AGBL1: variants seen among roughly 807,000 people sequenced by gnomAD.
AGBL1 encodes the protein cytosolic carboxypeptidase 4.
A neutral mutation model predicts 118.9 loss-of-function variants in AGBL1; 130 were observed. The observed-to-expected ratio is 1.09, with a 90% CI of 0.95 to 1.26. The LOEUF is 1.26. Among genes scored for constraint, AGBL1 ranks in the 50% most tolerant of loss-of-function variants. The pLI is 0.00. For missense variants in AGBL1, 1,584 were observed against 1,298.1 expected (o/e 1.22, Z -3.38); for synonymous variants, 555 against 478.9 (o/e 1.16, Z -2.08).
At chr15:86,841,244 C>G (rs2079240809) in intron 22 of AGBL1, among the ~76,000 whole-genome samples, 1 of 152,076 alleles carries the variant, frequency 6.6e-6, no homozygotes, top group South Asian at 2.1e-4. Context: ...ACCACCCAGG[C>G]ATGTATCATT....
At chr15:86,211,217 C>T (rs2078091672) in intron 5 of AGBL1, among the ~76,000 whole-genome samples, 1 of 152,160 alleles carries the variant, frequency 6.6e-6, no homozygotes, top group Admixed American at 6.5e-5. Context: ...AACTTTGTCC[C>T]ATAGGGGCAC....
At chr15:86,927,167 T>A (rs1052424124) in intron 23 of AGBL1, among the ~76,000 whole-genome samples, 15 of 150,686 alleles carry the variant, frequency 1.0e-4, no homozygotes, top group African/African-American at 3.6e-4. Context: ...AAATAAATAA[T>A]AAAATAAAAT....
rs532581781 is a variant in AGBL1, at chr15:86,377,169, C to T, written c.2375-20197C>T. On this transcript the variant is annotated intron_variant, in intron 17 of 22. Transcript: ENST00000614907. ...CAGATACTTGATTTTATCCATTCAT[C>T]TGGGTGCATTGGATTATATGGACCA... Among the ~76,000 whole-genome samples the T allele has an allele frequency of 3.9e-5, 6 of 152,300 alleles. No homozygotes were observed. The South Asian group carries it at 1.2e-3, about 32-fold the overall frequency.
intron 5 of AGBL1, among the ~76,000 whole-genome samples, chr15:86,213,220 A>C: frequency 6.6e-6 from 1 of 152,330 alleles, no homozygotes; most frequent in East Asian, 1.9e-4. Context: ...AATGTTTATG[A>C]AATCTTTTCT....
chr15:86,441,795 T>C (rs2082067726), intron 18 of AGBL1, among the ~76,000 whole-genome samples: 1 of 152,352 alleles, frequency 6.6e-6, no homozygotes. Flanking sequence ...CAGAATCTTC[T>C]GTCTGCATTG....
chr15:86,818,755 G>A (rs985260017), intron 22 of AGBL1, among the ~76,000 whole-genome samples: 1 of 152,146 alleles, frequency 6.6e-6, no homozygotes, highest in African/African-American at 2.4e-5. Context: ...CAACATCGTG[G>A]CTCAGCATAG....
chr15:86,839,498 T>G (rs1441325989), intron 22 of AGBL1, among the ~76,000 whole-genome samples: 1 of 152,200 alleles, frequency 6.6e-6, no homozygotes. Flanking sequence ...CTCTATTTGC[T>G]GTCCATATGT....
intron 5 of AGBL1, among the ~76,000 whole-genome samples, chr15:86,172,186 T>TA (rs964515601): frequency 2.0e-5 from 3 of 152,090 alleles, no homozygotes; most frequent in African/African-American, 4.8e-5. Context: ...CCTATTGAAA[T>TA]AAAAAAATTA....
intron 22 of AGBL1, among the ~76,000 whole-genome samples, chr15:86,739,671 C>G (rs1275623898): frequency 6.6e-6 from 1 of 152,010 alleles, no homozygotes; most frequent in Non-Finnish European, 1.5e-5. Flanking sequence ...GAATAACAGA[C>G]TTACCTTGGC....
intron 22 of AGBL1, among the ~76,000 whole-genome samples, chr15:86,774,958 A>G (rs2078233769): frequency 6.6e-6 from 1 of 152,140 alleles, no homozygotes; most frequent in Admixed American, 6.6e-5. Flanking sequence ...TTAACTGGAA[A>G]GGAAGCAAAC....
At chr15:86,795,659 A>G (rs1467323946) in intron 22 of AGBL1, among the ~76,000 whole-genome samples, 1 of 148,862 alleles carries the variant, frequency 6.7e-6, no homozygotes. Flanking sequence ...ATCTCAGTTC[A>G]TTTCAACCTC....
At chr15:86,570,839 G>C (rs2083995874) in intron 21 of AGBL1, among the ~76,000 whole-genome samples, 1 of 152,282 alleles carries the variant, frequency 6.6e-6, no homozygotes, top group South Asian at 2.1e-4. Context: ...GGCCCTCTGG[G>C]CTTGTTCCGC....
chr15:86,951,783 C>T (rs1362313444), intron 23 of AGBL1, among the ~76,000 whole-genome samples: 1 of 152,144 alleles, frequency 6.6e-6, no homozygotes, highest in Non-Finnish European at 1.5e-5. Context: ...TTTCATAAGT[C>T]TATCCAGTTT....
downstream of AGBL1, among the ~76,000 whole-genome samples, chr15:86,920,780 G>A (rs887198344): frequency 2.2e-4 from 33 of 152,122 alleles, no homozygotes; most frequent in African/African-American, 7.7e-4. Flanking sequence ...ATTTGAACTC[G>A]ACAAGTACAG....
At chr15:86,808,594 CTTCCTTCCTTCT>C (rs1387114908) in intron 22 of AGBL1, among the ~76,000 whole-genome samples, 2 of 146,304 alleles carry the variant, frequency 1.4e-5, no homozygotes, top group Non-Finnish European at 3.0e-5. Context: ...CTCCCCTTTC[CTTCCTTCCTTCT>C]TTCCTTCCTT....
At chr15:86,265,145 C>T (rs2142037006) in intron 11 of AGBL1, among the ~76,000 whole-genome samples, 1 of 152,322 alleles carries the variant, frequency 6.6e-6, no homozygotes, top group South Asian at 2.1e-4. Flanking sequence ...CCAGTTTTTC[C>T]AAATACTGGG....
rs1326221954 is a variant in AGBL1 at position 86,266,531 on chromosome 15, C to T, written c.1751+74C>T. ...TAATGGCATGAGAATAGACATGTTT[C>T]CTGTTAATAATCCACTCCTCCTCCT... On this transcript the variant is annotated intron_variant, in intron 12 of 22. Coordinates refer to ENST00000614907, the MANE Select transcript of AGBL1 (RefSeq NM_001386094.1). The T allele has an allele frequency of 1.7e-5, 18 of 1,058,640 alleles. No homozygotes were observed. The East Asian group carries it at 1.9e-4, about 11-fold the overall frequency. The allele number at this position is 1,058,640 out of a possible 1,614,324, so 65.6% of individuals were successfully genotyped here.
chr15:86,494,225 A>G (rs1321733555), intron 18 of AGBL1, among the ~76,000 whole-genome samples: 1 of 152,094 alleles, frequency 6.6e-6, no homozygotes, highest in Admixed American at 6.6e-5. Flanking sequence ...AATATGAGGC[A>G]TGGTTGATGT....
chr15:86,113,257 C>CTTTTCTCTTCTTTTCT (rs150495748), intron 1 of AGBL1, among the ~76,000 whole-genome samples: 5 of 39,780 alleles, frequency 1.3e-4, no homozygotes, highest in Non-Finnish European at 2.6e-4. Context: ...CTTTTCTTTT[C>CTTTTCTCTTCTTTTCT]TTTCTTTCTT....
Sources: allele counts gnomAD v4.1 joint callset (sites outside exome capture counted in the v4.1 genomes callset), GRCh38; gene constraint gnomAD v4.1.1; transcripts MANE v1.5; gene names NCBI Gene and HGNC (gene_info 2026-07-23, HGNC 2026-07-21).